The following TAOK3 variants were observed in gnomAD, a reference collection of about 807,000 sequenced individuals.
The protein encoded by TAOK3 is serine/threonine-protein kinase TAO3.
In TAOK3, 40 loss-of-function variants were observed where a neutral mutation model predicts 120.4. The observed-to-expected ratio is 0.33, with a 90% CI of 0.26 to 0.43. TAOK3 has a LOEUF of 0.43. Among genes scored for constraint, TAOK3 ranks in the 20% least tolerant of loss-of-function variants. TAOK3 has a pLI of 1.00. For synonymous variants in TAOK3, 355 were observed against 387.5 expected (o/e 0.92, Z 0.99); for missense variants, 821 against 1,112.1 (o/e 0.74, Z 3.72).
chr12:118,285,393 C>G (rs2042232157), intron 1 of TAOK3, among the ~76,000 whole-genome samples: 1 of 150,830 alleles, frequency 6.6e-6, no homozygotes. Flanking sequence ...GCTCTTGTCC[C>G]CCAGGCTGGA....
intron 9 of TAOK3, among the ~76,000 whole-genome samples, chr12:118,217,819 A>G (rs375231501): frequency 0.18 from 6,242 of 35,466 alleles, 795 homozygotes; most frequent in African/African-American, 0.26. Flanking sequence ...GTGTATACAT[A>G]TATATATATA....
intron 14 of TAOK3, among the ~76,000 whole-genome samples, chr12:118,188,722 T>C (rs2037227461): frequency 6.6e-6 from 1 of 152,176 alleles, no homozygotes; most frequent in Non-Finnish European, 1.5e-5. Flanking sequence ...AAAATGATCA[T>C]TTCTGGGTCG....
intron 9 of TAOK3, among the ~76,000 whole-genome samples, chr12:118,231,138 A>C (rs1197680179): frequency 1.3e-5 from 2 of 152,218 alleles, no homozygotes; most frequent in Non-Finnish European, 2.9e-5. Flanking sequence ...CGAATATAGG[A>C]AGTGTATATT....
chr12:118,324,417 A>C (rs1212560677), intron 1 of TAOK3, among the ~76,000 whole-genome samples: 1 of 152,162 alleles, frequency 6.6e-6, no homozygotes, highest in African/African-American at 2.4e-5. Flanking sequence ...TTATTTTAAA[A>C]TATCCAATGG....
At chr12:118,294,932 G>T (rs993919317) in intron 1 of TAOK3, among the ~76,000 whole-genome samples, 11 of 152,186 alleles carry the variant, frequency 7.2e-5, no homozygotes, top group Admixed American at 2.0e-4. Flanking sequence ...GCTGGGGAAA[G>T]ATTAGGAATT....
intron 1 of TAOK3, among the ~76,000 whole-genome samples, chr12:118,271,639 A>G (rs139733463): frequency 1.3e-5 from 2 of 152,334 alleles, no homozygotes; most frequent in African/African-American, 4.8e-5. Flanking sequence ...TTATTCATGT[A>G]TAAGTTTTTA....
intron 17 of TAOK3, among the ~76,000 whole-genome samples, chr12:118,169,845 C>T (rs1171147133): frequency 2.0e-5 from 3 of 152,050 alleles, no homozygotes; most frequent in African/African-American, 7.2e-5. Flanking sequence ...CTCAGCCTCC[C>T]GAGTAGCTGG....
chr12:118,332,892 A>G (rs532836073), intron 1 of TAOK3, among the ~76,000 whole-genome samples: 1 of 152,314 alleles, frequency 6.6e-6, no homozygotes, highest in East Asian at 1.9e-4. Context: ...AGCAAGAAAA[A>G]GAGACATCAC....
rs146827791 is a variant in TAOK3 at position 118,152,413 on chromosome 12, C to T, written c.2353-4G>A. 3.4e-5 allele frequency: 55 copies of T among 1,607,532 alleles called. No homozygotes were observed. The highest frequency in any genetic ancestry group is 4.1e-5 in the Non-Finnish European group (48 of 1,177,840). ...CTTGAGCCTCATCTAGCCGTAACTG[C>T]GGACACAGAAGACACACACGGTCAT... On this transcript the variant is annotated splice_polypyrimidine_tract_variant and splice_region_variant and intron_variant, in intron 19 of 20. Coordinates refer to ENST00000392533, the MANE Select transcript of TAOK3 (RefSeq NM_016281.4).
intron 8 of TAOK3, among the ~76,000 whole-genome samples, chr12:118,235,091 G>A (rs2039966945): frequency 6.6e-6 from 1 of 152,160 alleles, no homozygotes; most frequent in Non-Finnish European, 1.5e-5. Context: ...GAAAAGAATA[G>A]GGTGAAAAAC....
intron 1 of TAOK3, among the ~76,000 whole-genome samples, chr12:118,330,485 G>A (rs1047550390): frequency 1.3e-5 from 2 of 152,058 alleles, no homozygotes; most frequent in African/African-American, 2.4e-5. Context: ...TCATAACTCA[G>A]GCCTCAGGCA....
At chr12:118,195,922 C>T (rs979747393) in intron 13 of TAOK3, among the ~76,000 whole-genome samples, 37 of 152,080 alleles carry the variant, frequency 2.4e-4, no homozygotes, top group Middle Eastern at 6.8e-3. Context: ...TGGTGGCAGG[C>T]GCCTGTAGTC....
intron 7 of TAOK3, 121 bp downstream of exon 7, chr12:118,237,952 A>G: frequency 1.7e-6 from 1 of 604,478 alleles, no homozygotes; most frequent in Non-Finnish European, 3.0e-6. Context: ...AGAAGCAGCA[A>G]TCTATTTGCT....
rs538866058 is a variant in TAOK3, at chr12:118,361,215, C to T, written c.-194+11433G>A. On this transcript the variant is annotated intron_variant, in intron 1 of 20. Coordinates refer to ENST00000392533, the MANE Select transcript of TAOK3 (RefSeq NM_016281.4). ...CTTATTAGACTTTAATGCCTAAAAG[C>T]CATGTCATCAAGCTTCCACTAGACT... Among the ~76,000 whole-genome samples the T allele has an allele frequency of 8.2e-4, 125 of 152,244 alleles. 2 individuals are homozygous for T. Among genetic ancestry groups the T allele is most frequent in the African/African-American group, 2.9e-3 (120 of 41,538 alleles).
chr12:118,307,213 G>A (rs924815260), intron 1 of TAOK3, among the ~76,000 whole-genome samples: 12 of 151,328 alleles, frequency 7.9e-5, no homozygotes, highest in African/African-American at 2.0e-4. Context: ...CAACCTTCCC[G>A]CCTCCTCTTC....
At chr12:118,177,085 A>G (rs2036389945) in intron 16 of TAOK3, 116 bp downstream of exon 16, 1 of 1,143,908 alleles carries the variant, frequency 8.7e-7, no homozygotes, top group Admixed American at 2.1e-5. Flanking sequence ...AGGGTATTCT[A>G]ATGTAAAGTT....
rs1431139432 is a variant in TAOK3, at chr12:118,181,442, T to A, written c.1495A>T (p.Thr499Ser). ...TCGATGGACGAGTTGTTGGCATGCG[T>A]CTCCACCTCCTTCTGTAGCTTGAGG... The part of the protein sequence containing the change: ...HRLKLQKEVE[T>S]HANNSSIELE... Residue 499 changes from threonine (T) to serine (S), a missense_variant, in exon 15 of 21, where the codon ACG becomes TCG. Around this residue, in one of 2 missense-constraint regions of TAOK3, gnomAD observed 354 missense variants for 572.1 expected, o/e 0.62. Coordinates refer to ENST00000392533, the MANE Select transcript of TAOK3 (RefSeq NM_016281.4). 1 of 1,614,076 alleles carries A rather than the reference T, an allele frequency of 6.2e-7. No homozygotes were observed. The highest frequency in any genetic ancestry group is 2.2e-5 in the East Asian group (1 of 44,880).
chr12:118,175,441 C>T (rs1280673968), intron 16 of TAOK3, among the ~76,000 whole-genome samples: 1 of 152,038 alleles, frequency 6.6e-6, no homozygotes, highest in African/African-American at 2.4e-5. Context: ...GCCTGGCTAA[C>T]ATGGTGAAAC....
At chr12:118,323,140 G>A (rs1420862474) in intron 1 of TAOK3, among the ~76,000 whole-genome samples, 1 of 151,880 alleles carries the variant, frequency 6.6e-6, no homozygotes. Flanking sequence ...GTATATTCAG[G>A]TAAAAAGAAA....
Sources: allele counts gnomAD v4.1 joint callset (sites outside exome capture counted in the v4.1 genomes callset), GRCh38; gene constraint gnomAD v4.1.1; regional missense constraint gnomAD v4.1.1; transcripts MANE v1.5; gene names NCBI Gene and HGNC (gene_info 2026-07-23, HGNC 2026-07-21).